ADGRF5: variants seen among roughly 807,000 people sequenced by gnomAD.
ADGRF5 encodes the protein G-protein coupled receptor 116.
ADGRF5 carries 75 observed loss-of-function variants against 132.3 expected under a neutral mutation model. The ratio of observed to expected loss-of-function variants is 0.57; its 90% confidence interval spans 0.47 to 0.69. The LOEUF (loss-of-function observed/expected upper bound fraction) is 0.69. Ranked by LOEUF, ADGRF5 falls within the 30% of genes least tolerant of loss-of-function variation. ADGRF5 has a pLI of 0.00. For synonymous variants in ADGRF5, 629 were observed against 597.6 expected (o/e 1.05, Z -0.77); for missense variants, 1,516 against 1,630.6 (o/e 0.93, Z 1.21).
In ADGRF5 at chr6:46,888,383, T is replaced by C; in HGVS notation, c.280A>G (p.Asn94Asp). Residue 94 changes from asparagine to aspartate, a missense_variant, in exon 4 of 21, where the codon AAT (asparagine) becomes GAT (aspartate). Coordinates refer to ENST00000283296, the MANE Select transcript of ADGRF5 (RefSeq NM_001098518.2). Reference sequence around the variant, plus strand: ...ATGTCGGTAATTTGGTCAGTGTTATTCCCATGAATTGGAAAACTGAGGCTG... The same window carrying C: ...ATGTCGGTAATTTGGTCAGTGTTATCCCCATGAATTGGAAAACTGAGGCTG... The part of the protein sequence containing the change: ...LNSLSFPIHG[N>D]NTDQITDILS... 1 of 1,612,312 alleles carries C rather than the reference T, an allele frequency of 6.2e-7. No individual in the cohort carries two copies. The highest frequency in any genetic ancestry group is 8.5e-7 in the Non-Finnish European group (1 of 1,178,368).
rs1769333539 is a variant in ADGRF5, at chr6:46,858,600, G to A, written c.3303C>T (p.Phe1101=). ...FFIHFFYLSV[F]FWMLTLGLML... ...TGAGGCCCAGTGTCAGCATCCAGAA[G>A]AAGACGCTGAGGTAGAAGAAGTGGA... The change falls in exon 17 of 21, where the codon TTC becomes TTT. Residue 1101 remains phenylalanine (F), a synonymous_variant. Transcript: ENST00000283296. The A allele has an allele frequency of 1.2e-6, 2 of 1,614,050 alleles. No individual in the cohort carries two copies. The highest frequency in any genetic ancestry group is 1.7e-6 in the Non-Finnish European group (2 of 1,179,946).
At chr6:46,941,649 G>GT (rs35605004) in intron 1 of ADGRF5, among the ~76,000 whole-genome samples, 2,280 of 142,524 alleles carry the variant, frequency 0.016, 16 homozygotes, top group Admixed American at 0.039. Flanking sequence ...ATAGAGCATG[G>GT]TTTTTTTTTT....
At chr6:46,877,237 T>C (rs891566586) in intron 10 of ADGRF5, among the ~76,000 whole-genome samples, 4 of 27,328 alleles carry the variant, frequency 1.5e-4, no homozygotes, top group African/African-American at 9.0e-4. Context: ...CTTTCTTTCT[T>C]TCTTTCTTTC....
At chr6:46,876,696 C>T (rs1305755624) in intron 10 of ADGRF5, among the ~76,000 whole-genome samples, 3 of 152,118 alleles carry the variant, frequency 2.0e-5, no homozygotes, top group South Asian at 2.1e-4. Flanking sequence ...CTCGGCCTCT[C>T]GGGTTCAAGT....
chr6:46,884,339 C>T lies in ADGRF5; in HGVS notation c.329-68G>A, dbSNP rs563943244. 1.2e-3 allele frequency: 1,427 copies of T among 1,234,084 alleles called. 4 individuals carry two copies. Among genetic ancestry groups the T allele is most frequent in the South Asian group, 3.1e-3 (227 of 74,236 alleles). The allele number at this position is 1,234,084 out of a possible 1,614,324, so 76.4% of individuals were successfully genotyped here. A position where few individuals can be genotyped will look rare whatever the true frequency, so the allele number is the denominator to read the frequency against. ...GTGGTCACCATATTTGTATTTATAG[C>T]CTGCAGGTATTCATTCTTGAAGAAC... On this transcript the variant is annotated intron_variant, in intron 4 of 20. Coordinates refer to ENST00000283296, the MANE Select transcript of ADGRF5 (RefSeq NM_001098518.2).
At chr6:46,893,971 A>G (rs1773923422) in intron 3 of ADGRF5, among the ~76,000 whole-genome samples, 1 of 152,234 alleles carries the variant, frequency 6.6e-6, no homozygotes, top group South Asian at 2.1e-4. Flanking sequence ...TAAGCAAACA[A>G]TTCTACTTTT....
intron 10 of ADGRF5, among the ~76,000 whole-genome samples, chr6:46,874,065 C>G (rs1771377494): frequency 3.3e-5 from 5 of 152,208 alleles, no homozygotes; most frequent in Admixed American, 2.6e-4. Context: ...AATCTATTGG[C>G]TATCAGACCT....
At chr6:46,943,905 G>A (rs1044023440) in intron 1 of ADGRF5, among the ~76,000 whole-genome samples, 3 of 152,148 alleles carry the variant, frequency 2.0e-5, no homozygotes, top group Non-Finnish European at 2.9e-5. Context: ...ACAATTCAGC[G>A]GGAAGAATGT....
At chr6:46,861,323 C>A (rs868015914) in intron 15 of ADGRF5, among the ~76,000 whole-genome samples, 7 of 152,054 alleles carry the variant, frequency 4.6e-5, no homozygotes, top group Middle Eastern at 3.2e-3. Flanking sequence ...TGGTTTATAC[C>A]TTTTCTCCTT....
chr6:46,910,035 T>C (rs141472540), intron 1 of ADGRF5, among the ~76,000 whole-genome samples: 1 of 134,110 alleles, frequency 7.5e-6, no homozygotes, highest in East Asian at 2.3e-4. Flanking sequence ...TAAAATAAAA[T>C]AAAAAATAGA....
upstream of ADGRF5, among the ~76,000 whole-genome samples, chr6:46,923,742 C>T (rs1319281008): frequency 6.6e-6 from 1 of 152,148 alleles, no homozygotes; most frequent in Non-Finnish European, 1.5e-5. Context: ...GTTAGGAACA[C>T]TATGTGCTTG....
chr6:46,881,988 C>G, intron 7 of ADGRF5, 61 bp downstream of exon 7: 1 of 1,214,790 alleles, frequency 8.2e-7, no homozygotes, highest in Non-Finnish European at 1.2e-6. Flanking sequence ...GGGTTTACCT[C>G]CTTCACTACC....
At chr6:46,947,756 G>T (rs1175120984) in intron 1 of ADGRF5, among the ~76,000 whole-genome samples, 1 of 152,260 alleles carries the variant, frequency 6.6e-6, no homozygotes, top group African/African-American at 2.4e-5. Context: ...AATCCATGAA[G>T]GCATTTTTAC....
chr6:46,883,601 G>A lies in ADGRF5; in HGVS notation c.570C>T (p.Ser190=). Residue 190 remains serine (S), a synonymous_variant, in exon 6 of 21, where the codon TCC becomes TCT. Coordinates refer to ENST00000283296, the MANE Select transcript of ADGRF5 (RefSeq NM_001098518.2). ...VGFQEDLMNT[S]SALYRSYKTD... ...TCTTGTAGGACCTATAGAGGGCGGA[G>A]GAAGTGTTCATGAGGTCTTCTTGAA... is the stretch of plus-strand genomic sequence containing the variant. 2.5e-6 allele frequency: 4 copies of A among 1,609,332 alleles called. No homozygotes were observed. Among genetic ancestry groups the A allele is most frequent in the South Asian group, 1.1e-5 (1 of 90,176 alleles).
At chr6:46,928,550 CTCTTCCCT>C (rs1032613178) in intron 1 of ADGRF5, among the ~76,000 whole-genome samples, 1 of 152,148 alleles carries the variant, frequency 6.6e-6, no homozygotes, top group Non-Finnish European at 1.5e-5. Flanking sequence ...TTGCTGACCT[CTCTTCCCT>C]TCTTCCCTGT....
At position 46,872,015 on chromosome 6, in the gene ADGRF5, T is replaced by G; in HGVS notation, c.1241-2A>C. The G allele has an allele frequency of 6.3e-7, 1 of 1,578,238 alleles. No homozygotes were observed. Among genetic ancestry groups the G allele is most frequent in the Non-Finnish European group, 8.7e-7 (1 of 1,155,092 alleles). Reference sequence around the variant, plus strand: ...AATCTATGTCTGTCTCAGGGGTTCCTATAATGAGAAGCAAATTGTTGCCAT... The same window carrying G: ...AATCTATGTCTGTCTCAGGGGTTCCGATAATGAGAAGCAAATTGTTGCCAT... On this transcript the variant is annotated splice_acceptor_variant, in intron 10 of 20. Coordinates refer to ENST00000283296, the MANE Select transcript of ADGRF5 (RefSeq NM_001098518.2). LOFTEE classifies it high-confidence loss of function.
chr6:46,888,602 A>T, intron 3 of ADGRF5, 97 bp from the exon 4 acceptor site: 1 of 815,748 alleles, frequency 1.2e-6, no homozygotes, highest in South Asian at 1.6e-5. Context: ...TGACAGGTAC[A>T]TGTGAATGGT....
intron 11 of ADGRF5, 37 bp downstream of exon 11, chr6:46,871,806 C>A (rs776627154): frequency 2.1e-6 from 3 of 1,439,542 alleles, no homozygotes; most frequent in South Asian, 1.4e-5. Flanking sequence ...TAAGGTGGAA[C>A]CTATTTATGG....
At chr6:46,934,183 C>T (rs1777704001) in intron 1 of ADGRF5, among the ~76,000 whole-genome samples, 1 of 151,316 alleles carries the variant, frequency 6.6e-6, no homozygotes, top group Non-Finnish European at 1.5e-5. Flanking sequence ...CCACTAATGT[C>T]TCTCTCTCTC....
Sources: allele counts gnomAD v4.1 joint callset (sites outside exome capture counted in the v4.1 genomes callset), GRCh38; gene constraint gnomAD v4.1.1; transcripts MANE v1.5; gene names NCBI Gene and HGNC (gene_info 2026-07-23, HGNC 2026-07-21).